SMYD3: variants seen among roughly 807,000 people sequenced by gnomAD.
SMYD3 encodes histone-lysine N-methyltransferase SMYD3.
SMYD3 carries 36 observed loss-of-function variants against 57.7 expected under a neutral mutation model. The ratio of observed to expected loss-of-function variants is 0.62; its 90% confidence interval spans 0.48 to 0.82. SMYD3 has a LOEUF of 0.82. Ranked by LOEUF, SMYD3 falls within the 40% of genes least tolerant of loss-of-function variation. The probability of loss-of-function intolerance (pLI) is 0.00; values close to 1 mark genes in which losing one functional copy is unlikely to be tolerated. For missense variants in SMYD3, 515 were observed against 538.8 expected, an observed-to-expected ratio of 0.96 and a Z score of 0.44; for synonymous variants, 211 against 195.0, an observed-to-expected ratio of 1.08 and a Z score of -0.68.
At chr1:246,034,416 T>C (rs1039126575) in intron 5 of SMYD3, 1 of 152,114 alleles carries the variant, frequency 6.6e-6, no homozygotes, top group Admixed American at 6.5e-5. Context: ...TATGATCCAG[T>C]TGGTTAAGAG....
chr1:246,055,676 AAAGG>A (rs1385943065), intron 5 of SMYD3, among the ~76,000 whole-genome samples: 1 of 152,204 alleles, frequency 6.6e-6, no homozygotes, highest in Non-Finnish European at 1.5e-5. Context: ...TCAGCCTTAA[AAAGG>A]AAGGGAATTC....
chr1:245,824,980 G>A (rs1053324447), intron 10 of SMYD3, among the ~76,000 whole-genome samples: 3 of 152,042 alleles, frequency 2.0e-5, no homozygotes, highest in Admixed American at 6.5e-5. Flanking sequence ...GCAGTCAGCC[G>A]AGATCGTGCC....
At chr1:245,830,894 G>A (rs1572461594) in intron 10 of SMYD3, among the ~76,000 whole-genome samples, 1 of 152,160 alleles carries the variant, frequency 6.6e-6, no homozygotes, top group East Asian at 1.9e-4. Flanking sequence ...TTGAGTTTTA[G>A]AATTGGCATT....
At chr1:246,191,232 T>C (rs1382797061) in intron 5 of SMYD3, among the ~76,000 whole-genome samples, 3 of 152,318 alleles carry the variant, frequency 2.0e-5, no homozygotes, top group Non-Finnish European at 4.4e-5. Flanking sequence ...TCTGCGAGGG[T>C]CTGGTGATGT....
At chr1:246,068,178 A>G (rs1298010955) in intron 5 of SMYD3, among the ~76,000 whole-genome samples, 1 of 152,134 alleles carries the variant, frequency 6.6e-6, no homozygotes, top group Non-Finnish European at 1.5e-5. Flanking sequence ...AGGATCAGAA[A>G]GAAGTGTTTA....
chr1:245,797,828 C>CAA (rs559088835), intron 10 of SMYD3, among the ~76,000 whole-genome samples: 16 of 109,430 alleles, frequency 1.5e-4, no homozygotes, highest in East Asian at 1.4e-3. Context: ...TTCCGGGTTC[C>CAA]AAAAAAAAAA....
intron 5 of SMYD3, among the ~76,000 whole-genome samples, chr1:245,967,383 T>A (rs1380130506): frequency 6.6e-6 from 1 of 152,202 alleles, no homozygotes; most frequent in Admixed American, 6.5e-5. Flanking sequence ...ATCCTAAATT[T>A]TCACATGTAG....
chr1:245,900,903 C>T (rs538487320), intron 8 of SMYD3, among the ~76,000 whole-genome samples: 1 of 152,334 alleles, frequency 6.6e-6, no homozygotes, highest in African/African-American at 2.4e-5. Flanking sequence ...GGCAGTTTCC[C>T]ATGATTTCTG....
intron 1 of SMYD3, among the ~76,000 whole-genome samples, chr1:246,380,707 C>T (rs576157999): frequency 6.6e-6 from 1 of 152,282 alleles, no homozygotes; most frequent in East Asian, 1.9e-4. Context: ...GCAGGAACAG[C>T]AATAATGCTC....
intron 10 of SMYD3, among the ~76,000 whole-genome samples, chr1:245,766,827 G>T (rs916757467): frequency 1.3e-5 from 2 of 152,128 alleles, no homozygotes; most frequent in African/African-American, 4.8e-5. Context: ...GTGTCATTAC[G>T]CCATGACAGG....
At chr1:246,088,580 A>C (rs71638313) in intron 5 of SMYD3, among the ~76,000 whole-genome samples, 1,908 of 125,592 alleles carry the variant, frequency 0.015, 72 homozygotes, top group African/African-American at 0.067. Context: ...ACTGCACTCC[A>C]GCCTGGGCGA....
intron 10 of SMYD3, among the ~76,000 whole-genome samples, chr1:245,794,536 T>C (rs2047440505): frequency 6.6e-6 from 1 of 152,240 alleles, no homozygotes; most frequent in African/African-American, 2.4e-5. Context: ...CACTCAGTAC[T>C]TGGGGGTATG....
chr1:246,273,164 G>GT (rs1311825464), intron 5 of SMYD3, among the ~76,000 whole-genome samples: 4 of 82,992 alleles, frequency 4.8e-5, no homozygotes, highest in Non-Finnish European at 9.2e-5. Flanking sequence ...TTTTTTTTGG[G>GT]GGGGGGACAG....
At chr1:246,168,473 A>T (rs1439285749) in intron 5 of SMYD3, among the ~76,000 whole-genome samples, 2 of 152,202 alleles carry the variant, frequency 1.3e-5, no homozygotes, top group African/African-American at 4.8e-5. Flanking sequence ...GCATTCTTCT[A>T]CTTTTGCAAA....
intron 8 of SMYD3, among the ~76,000 whole-genome samples, chr1:245,908,415 G>A (rs2054730962): frequency 2.6e-5 from 4 of 152,192 alleles, no homozygotes. Context: ...GGGGACTTCA[G>A]CAGTGGACAG....
chr1:245,912,284 C>A (rs1370769093), intron 8 of SMYD3, among the ~76,000 whole-genome samples: 1 of 151,858 alleles, frequency 6.6e-6, no homozygotes, highest in South Asian at 2.1e-4. Context: ...AAAAAAGACA[C>A]CTAGGAGTAA....
intron 10 of SMYD3, among the ~76,000 whole-genome samples, chr1:245,843,219 G>T (rs902352297): frequency 1.3e-5 from 2 of 152,108 alleles, no homozygotes; most frequent in African/African-American, 4.8e-5. Flanking sequence ...ACAGGCCAGG[G>T]ATCACACACT....
chr1:245,915,996 G>C (rs1262383357), intron 7 of SMYD3, among the ~76,000 whole-genome samples: 1 of 152,148 alleles, frequency 6.6e-6, no homozygotes, highest in Admixed American at 6.5e-5. Context: ...TTAGCAATCA[G>C]AGAAGCCAAA....
chr1:245,952,875 T>C (rs10754490), intron 5 of SMYD3, among the ~76,000 whole-genome samples: 139,375 of 152,254 alleles, frequency 0.92, 63,995 homozygotes, highest in Admixed American at 0.95. Context: ...GTTGTGTCTC[T>C]GCAAAAGCCT....
Sources: gnomAD v4.1 joint callset for allele counts (sites outside exome capture counted in the v4.1 genomes callset) on GRCh38, gnomAD v4.1.1 for gene constraint, MANE v1.5 for transcripts, NCBI Gene and HGNC (gene_info 2026-07-23, HGNC 2026-07-21) for gene names.